Variants in PTPRT observed in about 807,000 individuals in gnomAD.
PTPRT encodes receptor-type tyrosine-protein phosphatase T.
A neutral mutation model predicts 176.8 loss-of-function variants in PTPRT; 56 were observed. The observed-to-expected ratio is 0.32, with a 90% CI of 0.26 to 0.40. PTPRT has a LOEUF of 0.40. Ranked by LOEUF, PTPRT falls within the 10% of genes least tolerant of loss-of-function variation. The pLI, the probability that PTPRT is intolerant of heterozygous loss-of-function variation, is 1.00. For missense variants in PTPRT, 1,540 were observed against 1,908.2 expected, an observed-to-expected ratio of 0.81 and a Z score of 3.60; for synonymous variants, 783 against 739.0, an observed-to-expected ratio of 1.06 and a Z score of -0.96.
intron 7 of PTPRT, among the ~76,000 whole-genome samples, chr20:42,607,120 A>C (rs2073891666): frequency 3.9e-5 from 6 of 152,228 alleles, no homozygotes; most frequent in Admixed American, 3.9e-4. Flanking sequence ...TTCTACTTAC[A>C]TGAGACACTT....
chr20:42,729,976 A>G (rs1057445191), intron 6 of PTPRT, among the ~76,000 whole-genome samples: 18 of 152,164 alleles, frequency 1.2e-4, no homozygotes, highest in Non-Finnish European at 2.1e-4. Flanking sequence ...GCACTGTGCT[A>G]TGAGCCCAGC....
At chr20:43,134,793 GT>G (rs1215054301) in intron 1 of PTPRT, among the ~76,000 whole-genome samples, 4 of 152,198 alleles carry the variant, frequency 2.6e-5, no homozygotes, top group Non-Finnish European at 4.4e-5. Flanking sequence ...TGTCAGTTTT[GT>G]TGTCTGTGAT....
chr20:42,622,529 C>T (rs1301959923), intron 7 of PTPRT, among the ~76,000 whole-genome samples: 3 of 152,172 alleles, frequency 2.0e-5, no homozygotes, highest in East Asian at 3.9e-4. Flanking sequence ...CATGAGCCAC[C>T]GTGCCCGGCC....
At chr20:43,045,497 A>C (rs3091990) in intron 1 of PTPRT, among the ~76,000 whole-genome samples, 45,702 of 143,230 alleles carry the variant, frequency 0.32, 10,040 homozygotes, top group African/African-American at 0.63. Flanking sequence ...TCTGTCACCT[A>C]GGCTGGAGTC....
rs372435257 is a variant in PTPRT, at chr20:42,338,341, G to A, written c.1865+12287C>T. On this transcript the variant is annotated intron_variant, in intron 11 of 30. Coordinates refer to ENST00000373187, the MANE Select transcript of PTPRT (RefSeq NM_007050.6). ...TGATAGAGAGATGGTGCCAGTTGCA[G>A]AGGAGCCATTTGTGAGTTGGAGAGG... Among the ~76,000 whole-genome samples the A allele has an allele frequency of 2.0e-3, 309 of 152,312 alleles. 3 individuals are homozygous for A. The highest frequency in any genetic ancestry group is 0.01 in the Middle Eastern group (3 of 294).
chr20:43,096,677 T>C (rs534200028), intron 1 of PTPRT, among the ~76,000 whole-genome samples: 1 of 152,284 alleles, frequency 6.6e-6, no homozygotes, highest in Non-Finnish European at 1.5e-5. Context: ...CCAGATGCAC[T>C]GAGAAGGCCA....
intron 7 of PTPRT, among the ~76,000 whole-genome samples, chr20:42,481,957 G>A (rs1011755281): frequency 2.6e-5 from 4 of 151,960 alleles, no homozygotes; most frequent in African/African-American, 7.3e-5. Flanking sequence ...TCTTAATACC[G>A]GTACTAGCTC....
chr20:42,636,273 A>C (rs2074598326), intron 7 of PTPRT, among the ~76,000 whole-genome samples: 1 of 152,148 alleles, frequency 6.6e-6, no homozygotes, highest in Non-Finnish European at 1.5e-5. Context: ...ACTTAGTATC[A>C]TGGAACAATT....
intron 7 of PTPRT, among the ~76,000 whole-genome samples, chr20:42,655,920 G>A (rs557263482): frequency 2.0e-5 from 3 of 152,310 alleles, no homozygotes; most frequent in African/African-American, 7.2e-5. Context: ...TGAAGTCATG[G>A]AACAGGTAAG....
At chr20:42,965,271 C>T (rs1224025090) in intron 1 of PTPRT, among the ~76,000 whole-genome samples, 5 of 152,200 alleles carry the variant, frequency 3.3e-5, no homozygotes, top group Non-Finnish European at 7.3e-5. Flanking sequence ...ATTTGCTGCT[C>T]TCTGTGGCTT....
chr20:43,137,524 C>A (rs531159935), intron 1 of PTPRT, among the ~76,000 whole-genome samples: 1 of 152,248 alleles, frequency 6.6e-6, no homozygotes, highest in Admixed American at 6.5e-5. Context: ...GTCAAAAGAA[C>A]AGGAAGATGG....
intron 23 of PTPRT, among the ~76,000 whole-genome samples, chr20:42,108,359 A>ACTT (rs1986675530): frequency 6.6e-6 from 1 of 152,170 alleles, no homozygotes; most frequent in Admixed American, 6.6e-5. Context: ...CGGGCAAATG[A>ACTT]CTTAACCTCT....
At chr20:42,208,737 A>T (rs1243997624) in intron 15 of PTPRT, among the ~76,000 whole-genome samples, 1 of 152,204 alleles carries the variant, frequency 6.6e-6, no homozygotes, top group Non-Finnish European at 1.5e-5. Flanking sequence ...CAGATCAATG[A>T]GACAGAAATT....
At position 42,613,766 on chromosome 20, in the gene PTPRT, T is replaced by C. The variant is rs113811769; in HGVS notation, c.1153+64100A>G. 4.3e-3 allele frequency among the ~76,000 whole-genome samples: 657 copies of C among 152,284 alleles called. 6 individuals are homozygous for C. Among genetic ancestry groups the C allele is most frequent in the African/African-American group, 0.015 (618 of 41,574 alleles). ...CAACACTAAATCCCTTAGTCTTTCC[T>C]TTTCCTTTCTATTCAGTCTCTTCTG... On this transcript the variant is annotated intron_variant, in intron 7 of 30. Transcript: ENST00000373187.
At position 42,756,645 on chromosome 20, in the gene PTPRT, C is replaced by T; in HGVS notation, c.685-9G>A. The T allele has an allele frequency of 1.3e-6, 2 of 1,565,966 alleles. No homozygotes were observed. Among genetic ancestry groups the T allele is most frequent in the Non-Finnish European group, 1.7e-6 (2 of 1,150,076 alleles). ...TCCCTGCCATTCCATTGCTGCAGAA[C>T]AGAGGAAGAGAGGGAGAGGAGGAAT... is the stretch of plus-strand genomic sequence containing the variant. On this transcript the variant is annotated splice_polypyrimidine_tract_variant and intron_variant, in intron 5 of 30. Coordinates refer to ENST00000373187, the MANE Select transcript of PTPRT (RefSeq NM_007050.6).
At chr20:42,265,035 T>C (rs2056815442) in intron 13 of PTPRT, among the ~76,000 whole-genome samples, 1 of 152,244 alleles carries the variant, frequency 6.6e-6, no homozygotes. Context: ...ATTATAATGA[T>C]GGCACAAGTC....
In PTPRT at chr20:42,237,259, A is replaced by G. The variant is rs1290204794; in HGVS notation, c.2313-1001T>C. 2.0e-5 allele frequency among the ~76,000 whole-genome samples: 3 copies of G among 152,320 alleles called. No homozygotes were observed. In the East Asian group the frequency reaches 5.8e-4, roughly 29 times the overall value. ...TTAGATTTTGGGGGTAGTTTGTTAC[A>G]TGGCAGTAGATGACCGGCGCAAAGT... On this transcript the variant is annotated intron_variant, in intron 14 of 30. Coordinates refer to ENST00000373187, the MANE Select transcript of PTPRT (RefSeq NM_007050.6).
chr20:42,322,740 A>T (rs1177234124), intron 11 of PTPRT, among the ~76,000 whole-genome samples: 1 of 152,064 alleles, frequency 6.6e-6, no homozygotes, highest in Non-Finnish European at 1.5e-5. Flanking sequence ...AATGGCAACA[A>T]AAGCCAAAAT....
At chr20:43,141,977 A>T (rs1600743194) in intron 1 of PTPRT, among the ~76,000 whole-genome samples, 1 of 152,202 alleles carries the variant, frequency 6.6e-6, no homozygotes, top group South Asian at 2.1e-4. Context: ...CACACAGAAG[A>T]AAAAGCATGC....
Sources: gnomAD v4.1 joint callset for allele counts (sites outside exome capture counted in the v4.1 genomes callset) on GRCh38, gnomAD v4.1.1 for gene constraint, MANE v1.5 for transcripts, NCBI Gene and HGNC (gene_info 2026-07-23, HGNC 2026-07-21) for gene names.